The following SMOC2 variants were observed in gnomAD, a reference collection of about 807,000 sequenced individuals.
The protein encoded by SMOC2 is SPARC related modular calcium binding 2.
A neutral mutation model predicts 61.4 loss-of-function variants in SMOC2; 39 were observed. The observed-to-expected ratio is 0.64, with a 90% CI of 0.49 to 0.83. The LOEUF (loss-of-function observed/expected upper bound fraction) is 0.83, where lower values mean the gene tolerates loss of function less well. SMOC2 is among the 40% of genes least tolerant of loss of function. The pLI is 0.00. For synonymous variants in SMOC2, 247 were observed against 239.9 expected (o/e 1.03, Z -0.27); for missense variants, 556 against 592.9 (o/e 0.94, Z 0.65).
chr6:168,457,908 AG>A (rs1781625146), intron 1 of SMOC2, among the ~76,000 whole-genome samples: 1 of 151,912 alleles, frequency 6.6e-6, no homozygotes, highest in East Asian at 1.9e-4. Flanking sequence ...GGGCCCTTGC[AG>A]CCTGTGTGCC....
chr6:168,465,383 A>G (rs971737042), intron 1 of SMOC2, among the ~76,000 whole-genome samples: 1 of 151,970 alleles, frequency 6.6e-6, no homozygotes, highest in African/African-American at 2.4e-5. Flanking sequence ...CGGGCTCTTC[A>G]TGAAGAGATT....
chr6:168,474,522 C>T (rs1043413179), intron 1 of SMOC2, among the ~76,000 whole-genome samples: 3 of 152,156 alleles, frequency 2.0e-5, no homozygotes, highest in Admixed American at 1.3e-4. Flanking sequence ...TGTCCTCTCT[C>T]TACAAGCTCT....
chr6:168,576,688 C>T (rs1784812266), intron 7 of SMOC2, among the ~76,000 whole-genome samples: 2 of 151,908 alleles, frequency 1.3e-5, no homozygotes, highest in South Asian at 4.1e-4. Flanking sequence ...TGATCCGAGT[C>T]CTTGGGGTGG....
At chr6:168,517,437 G>C (rs1057075341) in intron 2 of SMOC2, among the ~76,000 whole-genome samples, 2 of 152,234 alleles carry the variant, frequency 1.3e-5, no homozygotes, top group East Asian at 3.9e-4. Context: ...GCGGCTTCAC[G>C]TCTGATGTGG....
chr6:168,487,091 G>T (rs1312367796), intron 1 of SMOC2, among the ~76,000 whole-genome samples: 4 of 152,134 alleles, frequency 2.6e-5, no homozygotes, highest in Non-Finnish European at 5.9e-5. Context: ...CCTCTCCTCT[G>T]CCCTGTGGCC....
intron 1 of SMOC2, among the ~76,000 whole-genome samples, chr6:168,471,074 A>G: frequency 6.6e-6 from 1 of 151,704 alleles, no homozygotes; most frequent in East Asian, 1.9e-4. Context: ...TAAAATACAC[A>G]CACAGTTTAT....
rs1222486766 is a variant in SMOC2 at position 168,592,579 on chromosome 6, G to GAT, written c.638-6239_638-6238insAT. Among the ~76,000 whole-genome samples the GAT allele has an allele frequency of 1.8e-4, 14 of 75,732 alleles. 1 individual carries two copies. Among genetic ancestry groups the GAT allele is most frequent in the Admixed American group, 3.1e-4 (2 of 6,396 alleles). 49.7% of individuals were successfully genotyped at this position (75,732 alleles called of 152,430 possible). On this transcript the variant is annotated intron_variant, in intron 7 of 12. Transcript: ENST00000356284. Reference sequence around the variant, plus strand: ...CTCCTCCTTCCTGAGGCCTCACGAGGGGCATCTTTCTAGAGGATCGCGGAG... The same window carrying GAT: ...CTCCTCCTTCCTGAGGCCTCACGAGGATGGCATCTTTCTAGAGGATCGCGGAG...
chr6:168,519,007 G>A (rs929134385), intron 2 of SMOC2, among the ~76,000 whole-genome samples: 1 of 143,416 alleles, frequency 7.0e-6, no homozygotes, highest in South Asian at 2.3e-4. Context: ...GCATGTGTGA[G>A]TATGCGTGCA....
At chr6:168,643,140 A>G (rs911945) in intron 9 of SMOC2, among the ~76,000 whole-genome samples, 137,100 of 152,150 alleles carry the variant, frequency 0.9, 61,922 homozygotes, top group African/African-American at 0.94. Context: ...TCCCCGTTCC[A>G]AACTTCGCCT....
intron 9 of SMOC2, among the ~76,000 whole-genome samples, chr6:168,613,633 C>G (rs112334525): frequency 0.23 from 33,070 of 146,122 alleles, 3,612 homozygotes; most frequent in East Asian, 0.24. Context: ...CAGGGGGCCT[C>G]TTCACACCTA....
chr6:168,524,034 TAAGGTATGTCTGTATC>T (rs1783398491), intron 2 of SMOC2, among the ~76,000 whole-genome samples: 1 of 152,178 alleles, frequency 6.6e-6, no homozygotes. Context: ...TAATTCAGTC[TAAGGTATGTCTGTATC>T]AAGCATATAA....
intron 7 of SMOC2, among the ~76,000 whole-genome samples, chr6:168,554,813 G>A (rs1784208880): frequency 6.6e-6 from 1 of 152,194 alleles, no homozygotes; most frequent in Admixed American, 6.5e-5. Flanking sequence ...TGGTCAGGTC[G>A]GCTGCCCAAC....
At chr6:168,514,380 G>A (rs1783081344) in intron 2 of SMOC2, among the ~76,000 whole-genome samples, 1 of 152,182 alleles carries the variant, frequency 6.6e-6, no homozygotes, top group Non-Finnish European at 1.5e-5. Flanking sequence ...ACAACTGTCC[G>A]GGGATAACGT....
At chr6:168,459,409 G>A (rs1033885419) in intron 1 of SMOC2, among the ~76,000 whole-genome samples, 15 of 152,160 alleles carry the variant, frequency 9.9e-5, no homozygotes, top group Admixed American at 9.2e-4. Flanking sequence ...ATCGGGAAGG[G>A]TATTCTCCGG....
At chr6:168,532,832 G>A (rs1783642415) in intron 4 of SMOC2, among the ~76,000 whole-genome samples, 1 of 152,162 alleles carries the variant, frequency 6.6e-6, no homozygotes, top group South Asian at 2.1e-4. Context: ...GCCTTCTAAA[G>A]TAGGGACCAG....
chr6:168,464,670 A>G lies in SMOC2; in HGVS notation c.84+23216A>G, dbSNP rs73270971. ...AAGCCACAAATGGATAACTCCAAAC[A>G]TATCATGTGCCACAGCCTTTTAAAC... On this transcript the variant is annotated intron_variant, in intron 1 of 12. Coordinates refer to ENST00000356284, the MANE Select transcript of SMOC2 (RefSeq NM_001166412.2). 4.5e-3 allele frequency among the ~76,000 whole-genome samples: 687 copies of G among 152,286 alleles called. 7 individuals carry two copies. The highest frequency in any genetic ancestry group is 0.015 in the African/African-American group (604 of 41,548).
At chr6:168,653,874 A>G in intron 11 of SMOC2, among the ~76,000 whole-genome samples, 1 of 105,876 alleles carries the variant, frequency 9.4e-6, no homozygotes, top group Admixed American at 9.5e-5. Flanking sequence ...AGCTCCAACC[A>G]GATGTTAGGA....
chr6:168,621,498 C>T (rs147172694), intron 9 of SMOC2, among the ~76,000 whole-genome samples: 1 of 152,252 alleles, frequency 6.6e-6, no homozygotes, highest in Non-Finnish European at 1.5e-5. Context: ...TAAGTAGTAA[C>T]CCGCTTGTAC....
chr6:168,640,145 G>C (rs1012241685), intron 9 of SMOC2, among the ~76,000 whole-genome samples: 2 of 151,642 alleles, frequency 1.3e-5, no homozygotes, highest in Non-Finnish European at 2.9e-5. Context: ...GTTCCCTCCA[G>C]GTCCTCGTGG....
Sources: gnomAD v4.1 joint callset for allele counts (sites outside exome capture counted in the v4.1 genomes callset) on GRCh38, gnomAD v4.1.1 for gene constraint, MANE v1.5 for transcripts, NCBI Gene and HGNC (gene_info 2026-07-23, HGNC 2026-07-21) for gene names.